SYN2: variants seen among roughly 807,000 people sequenced by gnomAD.
SYN2 encodes the protein synapsin II.
SYN2 carries 19 observed loss-of-function variants against 50.9 expected under a neutral mutation model. The observed-to-expected ratio is 0.37, with a 90% confidence interval of 0.26 to 0.55. SYN2 has a LOEUF of 0.55. SYN2 is among the 20% of genes least tolerant of loss of function. The pLI, the probability that SYN2 is intolerant of heterozygous loss-of-function variation, is 0.81. For synonymous variants in SYN2, 255 were observed against 224.9 expected, an observed-to-expected ratio of 1.13 and a Z score of -1.20; for missense variants, 587 against 576.4, an observed-to-expected ratio of 1.02 and a Z score of -0.19.
intron 1 of SYN2, among the ~76,000 whole-genome samples, chr3:12,005,150 C>T (rs990966295): frequency 5.9e-5 from 9 of 152,144 alleles, no homozygotes; most frequent in African/African-American, 2.2e-4. Context: ...AAATACCCCT[C>T]AATTGCCCCA....
intron 1 of SYN2, among the ~76,000 whole-genome samples, chr3:12,057,930 T>C (rs1407310304): frequency 6.6e-6 from 1 of 152,212 alleles, no homozygotes; most frequent in Non-Finnish European, 1.5e-5. Context: ...TATTTCATCG[T>C]GTGGTCCTCT....
At chr3:12,012,676 TCTTAC>T (rs1262862321) in intron 1 of SYN2, among the ~76,000 whole-genome samples, 1 of 152,214 alleles carries the variant, frequency 6.6e-6, no homozygotes, top group Non-Finnish European at 1.5e-5. Flanking sequence ...GTCCTGGTTC[TCTTAC>T]CTTAACGTTG....
intron 5 of SYN2, among the ~76,000 whole-genome samples, chr3:12,154,868 A>T (rs1170139996): frequency 1.3e-5 from 1 of 76,380 alleles, no homozygotes; most frequent in Non-Finnish European, 3.4e-5. Flanking sequence ...TTCCCAGCAC[A>T]GTTGTGGTCC....
chr3:12,015,327 C>T (rs1694003951), intron 1 of SYN2, among the ~76,000 whole-genome samples: 1 of 152,196 alleles, frequency 6.6e-6, no homozygotes, highest in African/African-American at 2.4e-5. Flanking sequence ...TCTTCCCCAA[C>T]ACCTCACTTT....
At chr3:12,079,216 A>G (rs1695534621) in intron 1 of SYN2, among the ~76,000 whole-genome samples, 1 of 151,898 alleles carries the variant, frequency 6.6e-6, no homozygotes, top group Non-Finnish European at 1.5e-5. Flanking sequence ...AGATGATGGG[A>G]TTTTCTAGAT....
chr3:12,143,119 C>A (rs931078908), intron 3 of SYN2, among the ~76,000 whole-genome samples: 1 of 152,132 alleles, frequency 6.6e-6, no homozygotes, highest in Non-Finnish European at 1.5e-5. Context: ...AAGGCAGGCC[C>A]TTCTGGGTAC....
intron 1 of SYN2, among the ~76,000 whole-genome samples, chr3:12,079,434 G>A (rs1192189237): frequency 1.3e-5 from 2 of 152,110 alleles, no homozygotes; most frequent in African/African-American, 4.8e-5. Context: ...TATCGACTGT[G>A]GGTTTGTCAT....
At chr3:12,123,372 A>T (rs919772474) in intron 1 of SYN2, among the ~76,000 whole-genome samples, 33 of 152,210 alleles carry the variant, frequency 2.2e-4, no homozygotes, top group African/African-American at 8.0e-4. Context: ...TCACAACTGG[A>T]CTGAGAGCAG....
At chr3:12,072,181 C>T (rs1442950575) in intron 1 of SYN2, among the ~76,000 whole-genome samples, 3 of 151,878 alleles carry the variant, frequency 2.0e-5, no homozygotes, top group Non-Finnish European at 4.4e-5. Context: ...TTTTAGAATT[C>T]GGTTGTCTTT....
intron 10 of SYN2, among the ~76,000 whole-genome samples, chr3:12,174,208 C>T (rs1032768255): frequency 2.0e-5 from 3 of 152,056 alleles, no homozygotes; most frequent in Non-Finnish European, 4.4e-5. Flanking sequence ...CTGCCCTGAC[C>T]ACCCCTTCAA....
intron 12 of SYN2, among the ~76,000 whole-genome samples, chr3:12,189,364 T>C (rs142961904): frequency 1.0e-3 from 158 of 152,340 alleles, no homozygotes; most frequent in African/African-American, 3.6e-3. Flanking sequence ...TAAAATGTTG[T>C]AGTTTGGATT....
chr3:12,139,059 G>C (rs1696960159), intron 1 of SYN2, among the ~76,000 whole-genome samples: 1 of 152,210 alleles, frequency 6.6e-6, no homozygotes, highest in Non-Finnish European at 1.5e-5. Flanking sequence ...CTGGAAACAA[G>C]CTGGTGTGAA....
chr3:12,021,844 G>A (rs307611), intron 1 of SYN2, among the ~76,000 whole-genome samples: 1 of 151,990 alleles, frequency 6.6e-6, no homozygotes, highest in Admixed American at 6.6e-5. Context: ...GTGGGCAGAT[G>A]ACCCAAGCTC....
At chr3:12,165,005 T>G (rs1574877378) in intron 7 of SYN2, among the ~76,000 whole-genome samples, 2 of 106,942 alleles carry the variant, frequency 1.9e-5, no homozygotes, top group African/African-American at 6.4e-5. Flanking sequence ...TTTTTTTTTT[T>G]GAGACAGAGT....
chr3:12,141,193 G>A (rs1697010873), intron 2 of SYN2, among the ~76,000 whole-genome samples: 1 of 141,008 alleles, frequency 7.1e-6, no homozygotes, highest in Non-Finnish European at 1.5e-5. Context: ...ATCACTGAAA[G>A]TCCAATTTTT....
At chr3:12,160,028 G>C (rs924235944) in intron 5 of SYN2, among the ~76,000 whole-genome samples, 1 of 119,922 alleles carries the variant, frequency 8.3e-6, no homozygotes, top group African/African-American at 3.1e-5. Flanking sequence ...GGGCGACAGA[G>C]TGAGACTCCG....
rs138937327 is a variant in SYN2, at chr3:12,187,111, C to T, written c.1370-258C>T. 5.5e-3 allele frequency among the ~76,000 whole-genome samples: 841 copies of T among 152,226 alleles called. 7 individuals carry two copies. Among genetic ancestry groups the T allele is most frequent in the African/African-American group, 0.019 (780 of 41,546 alleles). Reference sequence around the variant, plus strand: ...TGAGAGAGTGCGCCTCTGACGGGGCCGCTCGTCCCTGGTTCCTCCTTGTCC... The same window carrying T: ...TGAGAGAGTGCGCCTCTGACGGGGCTGCTCGTCCCTGGTTCCTCCTTGTCC... On this transcript the variant is annotated intron_variant, in intron 11 of 12. Transcript: ENST00000621198.
Position 12,047,852 on chromosome 3 carries a change from T to C in SYN2, c.377+42924T>C, listed in dbSNP as rs192887050. 2.5e-4 allele frequency among the ~76,000 whole-genome samples: 38 copies of C among 152,368 alleles called. 1 individual carries two copies. The East Asian group carries it at 6.6e-3, about 26-fold the overall frequency. On this transcript the variant is annotated intron_variant, in intron 1 of 12. Coordinates refer to ENST00000621198, the MANE Select transcript of SYN2 (RefSeq NM_133625.6). ...TGTAAGGTGGCAGCATGTGATGTTC[T>C]GTTTAATTTGAAGAAAGCATTTAAC...
intron 1 of SYN2, among the ~76,000 whole-genome samples, chr3:12,122,648 T>A (rs1696586157): frequency 6.6e-6 from 1 of 152,156 alleles, no homozygotes; most frequent in Non-Finnish European, 1.5e-5. Flanking sequence ...ATGCTTCCTT[T>A]GAGAATTCAT....
Sources: gnomAD v4.1 joint callset for allele counts (sites outside exome capture counted in the v4.1 genomes callset) on GRCh38, gnomAD v4.1.1 for gene constraint, MANE v1.5 for transcripts, NCBI Gene and HGNC (gene_info 2026-07-23, HGNC 2026-07-21) for gene names.